The following CENPE variants were observed in gnomAD, a reference collection of about 807,000 sequenced individuals.
CENPE encodes centromere protein E, also known as centromere-associated protein E.
CENPE carries 145 observed loss-of-function variants against 336.1 expected under a neutral mutation model. The observed-to-expected ratio is 0.43, with a 90% confidence interval of 0.38 to 0.50. The LOEUF is 0.50. Among genes scored for constraint, CENPE ranks in the 20% least tolerant of loss-of-function variants. The pLI, the probability that CENPE is intolerant of heterozygous loss-of-function variation, is 0.00. For synonymous variants in CENPE, 1,013 were observed against 984.8 expected (o/e 1.03, Z -0.54); for missense variants, 2,719 against 3,023.3 (o/e 0.90, Z 2.36).
chr4:103,112,693 T>A (rs1560587903), intron 46 of CENPE, among the ~76,000 whole-genome samples: 1 of 132,728 alleles, frequency 7.5e-6, no homozygotes, highest in African/African-American at 2.8e-5. Flanking sequence ...TAAGTATATA[T>A]AAGTGTATAT....
Position 103,120,136 on chromosome 4 carries a change from T to C in CENPE, c.7329+12A>G, listed in dbSNP as rs2720453. The C allele has an allele frequency of 0.19, 296,944 of 1,553,040 alleles. 30,179 individuals are homozygous for C. Among genetic ancestry groups the C allele is most frequent in the Non-Finnish European group, 0.2 (230,955 of 1,142,216 alleles). ...AACAAACAAACAACTTTTATTTTTA[T>C]GTTTAAGTTACCTGAAGTACTTGAA... is the stretch of plus-strand genomic sequence containing the variant. On this transcript the variant is annotated intron_variant, in intron 44 of 48. Transcript: ENST00000265148.
intron 42 of CENPE, among the ~76,000 whole-genome samples, chr4:103,130,289 A>G (rs1751470521): frequency 6.6e-6 from 1 of 152,156 alleles, no homozygotes; most frequent in African/African-American, 2.4e-5. Context: ...CAACAAAAAT[A>G]CTCCTGGAAC....
intron 37 of CENPE, 80 bp from the exon 38 acceptor site, chr4:103,140,159 G>A: frequency 7.0e-7 from 1 of 1,436,780 alleles, no homozygotes; most frequent in Non-Finnish European, 9.5e-7. Flanking sequence ...TGTTCTATAT[G>A]CACATATCTA....
rs760432030 is a variant in CENPE at position 103,163,196 on chromosome 4, G to T, written c.1783C>A (p.Gln595Lys). 2 of 1,607,838 alleles carry T rather than the reference G, an allele frequency of 1.2e-6. No individual in the cohort carries two copies. The highest frequency in any genetic ancestry group is 1.7e-6 in the Non-Finnish European group (2 of 1,175,290). ...REKEDQIKKL[Q>K]EYIDSQKLEN... ...AGCTTTTGAGAGTCTATGTATTCCT[G>T]TAGCTTCTTAATCTGGTCTTCCTTT... The change falls in exon 18 of 49, where the codon CAG becomes AAG. Residue 595 changes from glutamine (Q) to lysine (K), a missense_variant. Coordinates refer to ENST00000265148, the MANE Select transcript of CENPE (RefSeq NM_001813.3).
chr4:103,187,392 C>A (rs1422496918), intron 8 of CENPE, among the ~76,000 whole-genome samples: 2 of 152,122 alleles, frequency 1.3e-5, no homozygotes, highest in Non-Finnish European at 2.9e-5. Context: ...TAAGGGCAGC[C>A]AGAGAGAAAG....
intron 43 of CENPE, among the ~76,000 whole-genome samples, chr4:103,120,882 T>G (rs543726024): frequency 6.6e-6 from 1 of 151,980 alleles, no homozygotes; most frequent in East Asian, 1.9e-4. Flanking sequence ...ACTACAGGTG[T>G]GTGCCACCAC....
intron 46 of CENPE, among the ~76,000 whole-genome samples, chr4:103,113,349 T>A (rs555587489): frequency 7.0e-6 from 1 of 143,290 alleles, no homozygotes; most frequent in South Asian, 2.1e-4. Context: ...TATAAGTACA[T>A]ATACTCGTAT....
intron 38 of CENPE, among the ~76,000 whole-genome samples, chr4:103,138,854 T>C (rs1385697409): frequency 1.3e-5 from 2 of 152,058 alleles, no homozygotes; most frequent in Non-Finnish European, 2.9e-5. Context: ...AATAAATAAA[T>C]AAATAAATAA....
At chr4:103,168,291 G>GCCA (rs1755097458) in intron 16 of CENPE, among the ~76,000 whole-genome samples, 2 of 152,294 alleles carry the variant, frequency 1.3e-5, no homozygotes, top group South Asian at 2.1e-4. Context: ...ACCTGCCCCA[G>GCCA]CCACCAGGAC....
At chr4:103,138,315 C>G (rs763152972) in intron 39 of CENPE, 36 bp downstream of exon 39, 7 of 1,398,952 alleles carry the variant, frequency 5.0e-6, no homozygotes, top group South Asian at 3.5e-5. Flanking sequence ...GGAAGACAAC[C>G]AATAATCATT....
At chr4:103,193,637 G>A (rs940434835) in intron 8 of CENPE, among the ~76,000 whole-genome samples, 1 of 152,086 alleles carries the variant, frequency 6.6e-6, no homozygotes, top group African/African-American at 2.4e-5. Context: ...TTTGCATAAT[G>A]CATATATTCG....
intron 29 of CENPE, among the ~76,000 whole-genome samples, chr4:103,146,314 G>A (rs779273588): frequency 2.0e-5 from 3 of 152,122 alleles, no homozygotes; most frequent in Non-Finnish European, 4.4e-5. Context: ...CATCTTATTC[G>A]AGGCTGGAGA....
At chr4:103,136,566 A>G (rs1009046163) in intron 39 of CENPE, among the ~76,000 whole-genome samples, 3 of 152,220 alleles carry the variant, frequency 2.0e-5, no homozygotes, top group Non-Finnish European at 1.5e-5. Context: ...CAATTTAAAA[A>G]ATTTAAGCAA....
intron 42 of CENPE, among the ~76,000 whole-genome samples, chr4:103,130,445 T>C (rs1751487018): frequency 6.6e-6 from 1 of 152,058 alleles, no homozygotes; most frequent in Non-Finnish European, 1.5e-5. Flanking sequence ...ATAAAATACA[T>C]AGGCAAATCT....
At chr4:103,149,083 A>T (rs1560630988) in intron 27 of CENPE, 35 bp downstream of exon 27, 2 of 1,581,052 alleles carry the variant, frequency 1.3e-6, no homozygotes, top group Admixed American at 1.9e-5. Flanking sequence ...TTTAAAAGAA[A>T]CACTTAATAG....
At chr4:103,128,164 A>G (rs986270731) in intron 42 of CENPE, among the ~76,000 whole-genome samples, 5 of 152,216 alleles carry the variant, frequency 3.3e-5, no homozygotes, top group African/African-American at 9.6e-5. Flanking sequence ...AAGGAAAACT[A>G]TCAGGGATAA....
chr4:103,146,714 C>A (rs993181170), intron 29 of CENPE, among the ~76,000 whole-genome samples: 4 of 152,108 alleles, frequency 2.6e-5, no homozygotes, highest in African/African-American at 7.2e-5. Flanking sequence ...TAAAAAGTAG[C>A]AATAAGATAT....
intron 32 of CENPE, 41 bp downstream of exon 32, chr4:103,145,009 T>C: frequency 1.4e-6 from 2 of 1,452,452 alleles, no homozygotes; most frequent in Non-Finnish European, 1.8e-6. Context: ...CTTAACACTA[T>C]TTCTGTATCC....
chr4:103,147,308 G>A (rs1753136678), intron 29 of CENPE, 48 bp downstream of exon 29: 2 of 1,471,246 alleles, frequency 1.4e-6, no homozygotes, highest in Non-Finnish European at 1.8e-6. Flanking sequence ...CACAAGCCTT[G>A]ATTCTTATAA....
Sources: allele counts gnomAD v4.1 joint callset (sites outside exome capture counted in the v4.1 genomes callset), GRCh38; gene constraint gnomAD v4.1.1; transcripts MANE v1.5; gene names NCBI Gene and HGNC (gene_info 2026-07-23, HGNC 2026-07-21).